NTN1: variants seen among roughly 807,000 people sequenced by gnomAD.
NTN1 encodes the protein netrin-1.
Under a neutral mutation model 54.2 loss-of-function variants are expected in NTN1, and 11 were observed. The ratio of observed to expected loss-of-function variants is 0.20; its 90% CI spans 0.13 to 0.34. NTN1 has a LOEUF of 0.34. Among genes scored for constraint, NTN1 ranks in the 10% least tolerant of loss-of-function variants. NTN1 has a pLI of 1.00. For missense variants in NTN1, 740 were observed against 893.1 expected (o/e 0.83, Z 2.18); for synonymous variants, 371 against 382.0 (o/e 0.97, Z 0.33).
intron 6 of NTN1, among the ~76,000 whole-genome samples, chr17:9,226,696 A>G (rs1279676438): frequency 1.3e-5 from 2 of 151,854 alleles, no homozygotes; most frequent in East Asian, 3.9e-4. Flanking sequence ...AGGTTTTATT[A>G]TTTTCAAGCA....
chr17:9,186,348 G>GA (rs1445469752), intron 5 of NTN1, among the ~76,000 whole-genome samples: 7 of 152,240 alleles, frequency 4.6e-5, no homozygotes, highest in Non-Finnish European at 4.4e-5. Flanking sequence ...CCAGAGGCAA[G>GA]AAAGGCTGCC....
chr17:9,050,072 C>T (rs975485180), intron 2 of NTN1, among the ~76,000 whole-genome samples: 2 of 151,586 alleles, frequency 1.3e-5, no homozygotes, highest in Non-Finnish European at 2.9e-5. Context: ...TGGTGAAACC[C>T]CGTCTCTACT....
At chr17:9,151,412 A>C (rs2092327323) in intron 2 of NTN1, among the ~76,000 whole-genome samples, 3 of 152,142 alleles carry the variant, frequency 2.0e-5, no homozygotes, top group Admixed American at 1.3e-4. Context: ...TGTCTTTGGC[A>C]AGCCGGGAAC....
At chr17:9,194,366 C>T (rs1904565759) in intron 5 of NTN1, among the ~76,000 whole-genome samples, 1 of 152,206 alleles carries the variant, frequency 6.6e-6, no homozygotes, top group Non-Finnish European at 1.5e-5. Flanking sequence ...CTGTGTGGTA[C>T]ATGCTGTCAC....
chr17:9,112,236 G>A (rs1335156760), intron 2 of NTN1, among the ~76,000 whole-genome samples: 1 of 152,224 alleles, frequency 6.6e-6, no homozygotes, highest in Non-Finnish European at 1.5e-5. Context: ...CTGCCTTTTT[G>A]AAGATAAGTA....
At chr17:9,054,279 A>T (rs895779794) in intron 2 of NTN1, among the ~76,000 whole-genome samples, 1 of 152,164 alleles carries the variant, frequency 6.6e-6, no homozygotes, top group African/African-American at 2.4e-5. Context: ...ATCCCCGAAG[A>T]GCCGAGATGT....
At chr17:9,018,235 C>T (rs892558128), upstream of NTN1, among the ~76,000 whole-genome samples, 1 of 152,144 alleles carries the variant, frequency 6.6e-6, no homozygotes, top group Admixed American at 6.5e-5. Flanking sequence ...CCCGCTCATC[C>T]TCTCCTGAAG....
Position 9,140,199 on chromosome 17 carries a change from G to A in NTN1, c.1019-22614G>A, listed in dbSNP as rs368284191. On this transcript the variant is annotated intron_variant, in intron 2 of 6. Coordinates refer to ENST00000173229, the MANE Select transcript of NTN1 (RefSeq NM_004822.3). ...GAGAGCTGTGTTCTCCTGAAAGACC[G>A]TCGGGTGGTGTGAGCTGTGTGTGCT... Among the ~76,000 whole-genome samples, 94 of 152,250 alleles carry A rather than the reference G, an allele frequency of 6.2e-4. No homozygotes were observed. In the South Asian group the frequency reaches 0.015, roughly 25 times the overall value.
intron 5 of NTN1, among the ~76,000 whole-genome samples, chr17:9,209,408 A>T (rs929114308): frequency 6.6e-6 from 1 of 152,210 alleles, no homozygotes; most frequent in African/African-American, 2.4e-5. Context: ...TCGATATTGC[A>T]GGGGGCCAGA....
chr17:9,067,245 C>T (rs1025272611), intron 2 of NTN1, among the ~76,000 whole-genome samples: 6 of 142,764 alleles, frequency 4.2e-5, no homozygotes, highest in East Asian at 4.2e-4. Context: ...CCAGCCTGGG[C>T]GACAGAGCAA....
chr17:9,188,211 C>T (rs1904337905), intron 5 of NTN1, among the ~76,000 whole-genome samples: 1 of 152,092 alleles, frequency 6.6e-6, no homozygotes, highest in African/African-American at 2.4e-5. Flanking sequence ...GACAGATCAC[C>T]TGAGGTCAGG....
intron 6 of NTN1, among the ~76,000 whole-genome samples, chr17:9,223,998 TG>T (rs1465812941): frequency 6.6e-6 from 1 of 151,854 alleles, no homozygotes; most frequent in Non-Finnish European, 1.5e-5. Context: ...GCAGCTACAC[TG>T]TGGAGAGGCA....
At chr17:9,169,985 C>T (rs912081164) in intron 3 of NTN1, among the ~76,000 whole-genome samples, 1 of 152,154 alleles carries the variant, frequency 6.6e-6, no homozygotes, top group Non-Finnish European at 1.5e-5. Context: ...TTGGCCAGAG[C>T]GTTAAGGGCA....
intron 3 of NTN1, 122 bp from the exon 4 acceptor site, chr17:9,179,682 GCTC>G: frequency 8.2e-7 from 1 of 1,217,318 alleles, no homozygotes; most frequent in South Asian, 1.6e-5. Context: ...GGCTGGGCCT[GCTC>G]CCCATCGCTG....
intron 2 of NTN1, among the ~76,000 whole-genome samples, chr17:9,083,466 G>A (rs1454117828): frequency 6.6e-6 from 1 of 152,234 alleles, no homozygotes; most frequent in African/African-American, 2.4e-5. Flanking sequence ...TCAATACACA[G>A]CATTTTCCTG....
At chr17:9,188,917 G>T (rs1317988426) in intron 5 of NTN1, among the ~76,000 whole-genome samples, 2 of 152,184 alleles carry the variant, frequency 1.3e-5, no homozygotes, top group African/African-American at 4.8e-5. Flanking sequence ...ATTGACCAAG[G>T]CACTGGTTTC....
intron 3 of NTN1, chr17:9,174,740 T>C (rs2092395552): frequency 6.6e-6 from 1 of 152,278 alleles, no homozygotes; most frequent in African/African-American, 2.4e-5. Flanking sequence ...CATCCAACTT[T>C]GAGGTACTGG....
rs1009675 is a variant in NTN1 at position 9,221,561 on chromosome 17, G to T, written c.1486+319G>T. Among the ~76,000 whole-genome samples, 97,633 of 152,100 alleles carry T rather than the reference G, an allele frequency of 0.64. 31,485 individuals are homozygous for T. Among genetic ancestry groups the T allele is most frequent in the African/African-American group, 0.66 (27,198 of 41,486 alleles). ...ACAGACCAGTGGCTTTACCTCTGTG[G>T]TCTTCTGTGTCTGCATCATACTGCG... is the stretch of plus-strand genomic sequence containing the variant. On this transcript the variant is annotated intron_variant, in intron 6 of 6. Transcript: ENST00000173229. The surrounding 1 kb of genome is among the most constrained non-coding windows in gnomAD (Gnocchi z 4.5).
chr17:9,181,270 T>C lies in NTN1; in HGVS notation c.1357+1314T>C, dbSNP rs751090372. Among the ~76,000 whole-genome samples the C allele has an allele frequency of 2.6e-5, 4 of 152,126 alleles. No individual in the cohort carries two copies. The South Asian group carries it at 6.2e-4, about 24-fold the overall frequency. On this transcript the variant is annotated intron_variant, in intron 4 of 6. Coordinates refer to ENST00000173229, the MANE Select transcript of NTN1 (RefSeq NM_004822.3). The stretch of plus-strand genomic sequence containing the variant: ...CTCTTCCCGAGGGAAGAGCTACAGG[T>C]GCCCAGACAGTGCCTGGGGGACTCG...
Sources: allele counts gnomAD v4.1 joint callset (sites outside exome capture counted in the v4.1 genomes callset), GRCh38; gene constraint gnomAD v4.1.1; non-coding constraint Gnocchi (gnomAD v3.1); transcripts MANE v1.5; gene names NCBI Gene and HGNC (gene_info 2026-07-23, HGNC 2026-07-21).